Variants in IFT88 observed in about 807,000 individuals in gnomAD.
IFT88 encodes the protein intraflagellar transport protein 88 homolog.
A neutral mutation model predicts 119.5 loss-of-function variants in IFT88; 74 were observed. The observed-to-expected ratio is 0.62, with a 90% CI of 0.51 to 0.75. IFT88 has a LOEUF of 0.75. Ranked by LOEUF, IFT88 falls within the 30% of genes least tolerant of loss-of-function variation. The pLI is 0.00. For missense variants in IFT88, 961 were observed against 977.7 expected, an observed-to-expected ratio of 0.98 and a Z score of 0.23; for synonymous variants, 279 against 316.7, an observed-to-expected ratio of 0.88 and a Z score of 1.26.
At chr13:20,676,740 A>G (rs2056718408) in intron 24 of IFT88, among the ~76,000 whole-genome samples, 1 of 152,274 alleles carries the variant, frequency 6.6e-6, no homozygotes, top group Admixed American at 6.5e-5. Flanking sequence ...CTGTTAATCA[A>G]AACATTTGTG....
At position 20,657,488 on chromosome 13, in the gene IFT88, A is replaced by C. The variant is rs377597028; in HGVS notation, c.2068+1058A>C. Among the ~76,000 whole-genome samples, 41 of 152,384 alleles carry C rather than the reference A, an allele frequency of 2.7e-4. No individual in the cohort carries two copies. The South Asian group carries it at 3.7e-3, about 14-fold the overall frequency. ...AATATAAAGCAATTTATTGGGAAGAAGAAGTATCTCTTCAACTCTTAATTC... is the reference window on the plus strand; with the variant it reads ...AATATAAAGCAATTTATTGGGAAGACGAAGTATCTCTTCAACTCTTAATTC... On this transcript the variant is annotated intron_variant, in intron 22 of 25. Transcript: ENST00000351808.
At position 20,691,317 on chromosome 13, in the gene IFT88, C is replaced by A; in HGVS notation, c.*142C>A. 2.9e-6 allele frequency: 2 copies of A among 696,996 alleles called. No homozygotes were observed. The highest frequency in any genetic ancestry group is 2.8e-5 in the South Asian group (1 of 36,052). The allele number at this position is 696,996 out of a possible 1,614,324, so 43.2% of individuals were successfully genotyped here. A position where few individuals can be genotyped will look rare whatever the true frequency, so the allele number is the denominator to read the frequency against. On this transcript the variant is annotated 3_prime_UTR_variant, in exon 26 of 26. Coordinates refer to ENST00000351808, the MANE Select transcript of IFT88 (RefSeq NM_006531.5). ...AAGTGTATTCTATTCTGTATGTATG[C>A]ATTTAAGTTGTTTTTTTCTTTTAAG... is the stretch of plus-strand genomic sequence containing the variant.
At chr13:20,573,694 T>G (rs2036828877) in intron 1 of IFT88, among the ~76,000 whole-genome samples, 1 of 152,198 alleles carries the variant, frequency 6.6e-6, no homozygotes, top group East Asian at 1.9e-4. Flanking sequence ...TGCTCCACAT[T>G]TTTGCTGACA....
intron 1 of IFT88, among the ~76,000 whole-genome samples, chr13:20,571,397 A>AT (rs1467770536): frequency 1.3e-5 from 2 of 152,222 alleles, no homozygotes; most frequent in African/African-American, 4.8e-5. Flanking sequence ...AATACTAGCA[A>AT]TACTACATTT....
intron 18 of IFT88, chr13:20,642,401 C>T (rs539194233): frequency 1.3e-5 from 2 of 152,084 alleles, no homozygotes; most frequent in African/African-American, 2.4e-5. Context: ...GTCAGGAGTT[C>T]GAGACCAGCC....
intron 2 of IFT88, among the ~76,000 whole-genome samples, chr13:20,574,725 A>G (rs1358481575): frequency 6.6e-6 from 1 of 152,242 alleles, no homozygotes; most frequent in Non-Finnish European, 1.5e-5. Flanking sequence ...CTTCAGCACT[A>G]GCTATCCAAA....
At chr13:20,594,428 C>T (rs2041280257) in intron 7 of IFT88, among the ~76,000 whole-genome samples, 3 of 152,102 alleles carry the variant, frequency 2.0e-5, no homozygotes, top group Admixed American at 1.3e-4. Context: ...AAACACTTGG[C>T]AAAGAGAATG....
chr13:20,652,949 T>C (rs952428818), intron 20 of IFT88, among the ~76,000 whole-genome samples: 1 of 152,178 alleles, frequency 6.6e-6, no homozygotes, highest in Non-Finnish European at 1.5e-5. Context: ...GAATTTGCTG[T>C]AACATGAAAT....
At chr13:20,629,660 T>G (rs2047895224) in intron 15 of IFT88, among the ~76,000 whole-genome samples, 1 of 152,218 alleles carries the variant, frequency 6.6e-6, no homozygotes, top group Non-Finnish European at 1.5e-5. Context: ...ATTGAGTCAG[T>G]TTGCCTACTG....
chr13:20,593,637 A>G (rs2041121922), intron 7 of IFT88, among the ~76,000 whole-genome samples: 1 of 152,050 alleles, frequency 6.6e-6, no homozygotes, highest in South Asian at 2.1e-4. Flanking sequence ...ATAGAAAATC[A>G]TGTTATTTTT....
intron 19 of IFT88, among the ~76,000 whole-genome samples, chr13:20,644,466 C>T (rs2050441030): frequency 1.3e-5 from 2 of 152,184 alleles, no homozygotes; most frequent in South Asian, 2.1e-4. Flanking sequence ...GCATTTACTA[C>T]ACTCCAGGCT....
At chr13:20,593,474 A>G (rs1261760911) in intron 7 of IFT88, among the ~76,000 whole-genome samples, 4 of 151,716 alleles carry the variant, frequency 2.6e-5, no homozygotes, top group Admixed American at 2.0e-4. Flanking sequence ...GGAATTAGTC[A>G]CTATACTGTT....
chr13:20,621,526 T>TAAA lies in IFT88; in HGVS notation c.1200-4195_1200-4193dup, dbSNP rs200491393. ...TCAATTTTCCCAAAACCTGCTGAGA[T>TAAA]AAAAAAAAAAAAAAAAAAAAAAAAA... On this transcript the variant is annotated intron_variant, in intron 14 of 25. Transcript: ENST00000351808. Among the ~76,000 whole-genome samples, 226 of 130,696 alleles carry TAAA rather than the reference T, an allele frequency of 1.7e-3. 2 individuals carry two copies. Among genetic ancestry groups the TAAA allele is most frequent in the African/African-American group, 3.6e-3 (115 of 31,514 alleles). 85.7% of individuals were successfully genotyped at this position (130,696 alleles called of 152,430 possible).
At chr13:20,633,966 C>G (rs906294226) in intron 16 of IFT88, among the ~76,000 whole-genome samples, 1 of 152,130 alleles carries the variant, frequency 6.6e-6, no homozygotes, top group Non-Finnish European at 1.5e-5. Flanking sequence ...ACTGGGCTTG[C>G]CTGGCCTTAC....
At chr13:20,675,314 GTCCCAAC>G (rs1256504650) in intron 24 of IFT88, among the ~76,000 whole-genome samples, 2 of 152,150 alleles carry the variant, frequency 1.3e-5, no homozygotes, top group African/African-American at 4.8e-5. Context: ...GTCAGCCTCA[GTCCCAAC>G]TTGCATGTCC....
rs1301624024 is a variant in IFT88 at position 20,631,000 on chromosome 13, G to A, written c.1300-16G>A. ...CATATTACAGTGGTAGTAACCTTCA[G>A]ATATTCCATTTCTAGGCTGTAGAGA... On this transcript the variant is annotated splice_polypyrimidine_tract_variant and intron_variant, in intron 15 of 25. Coordinates refer to ENST00000351808, the MANE Select transcript of IFT88 (RefSeq NM_006531.5). The A allele has an allele frequency of 6.8e-7, 1 of 1,463,640 alleles. No homozygotes were observed. Among genetic ancestry groups the A allele is most frequent in the Admixed American group, 1.7e-5 (1 of 59,792 alleles). 90.7% of individuals were successfully genotyped at this position (1,463,640 alleles called of 1,614,324 possible). A position where few individuals can be genotyped will look rare whatever the true frequency, so the allele number is the denominator to read the frequency against.
chr13:20,581,004 C>T (rs1169953234), intron 2 of IFT88, among the ~76,000 whole-genome samples: 1 of 152,136 alleles, frequency 6.6e-6, no homozygotes, highest in Non-Finnish European at 1.5e-5. Flanking sequence ...GGATTACAGG[C>T]ATGAGCCACC....
intron 20 of IFT88, among the ~76,000 whole-genome samples, chr13:20,650,951 T>C (rs2051551771): frequency 6.6e-6 from 1 of 152,134 alleles, no homozygotes; most frequent in South Asian, 2.1e-4. Flanking sequence ...TTGGCACCTT[T>C]TGGCACCTTT....
chr13:20,592,115 G>A (rs905399975), intron 6 of IFT88, among the ~76,000 whole-genome samples: 4 of 152,032 alleles, frequency 2.6e-5, no homozygotes, highest in South Asian at 2.1e-4. Context: ...TTTAACACAC[G>A]TATTATTTAC....
Sources: allele counts gnomAD v4.1 joint callset (sites outside exome capture counted in the v4.1 genomes callset), GRCh38; gene constraint gnomAD v4.1.1; transcripts MANE v1.5; gene names NCBI Gene and HGNC (gene_info 2026-07-23, HGNC 2026-07-21).